IMMP2L: variants seen among roughly 807,000 people sequenced by gnomAD.
IMMP2L encodes inner mitochondrial membrane peptidase subunit 2, also known as mitochondrial inner membrane protease subunit 2.
A neutral mutation model predicts 19.3 loss-of-function variants in IMMP2L; 18 were observed. The ratio of observed to expected loss-of-function variants is 0.93; its 90% CI spans 0.64 to 1.38. IMMP2L has a LOEUF of 1.38. Ranked by LOEUF, IMMP2L falls within the 40% of genes most tolerant of loss-of-function variation. The pLI is 0.00. For missense variants in IMMP2L, 233 were observed against 218.2 expected, an observed-to-expected ratio of 1.07 and a Z score of -0.43; for synonymous variants, 76 against 73.0, an observed-to-expected ratio of 1.04 and a Z score of -0.21.
intron 5 of IMMP2L, among the ~76,000 whole-genome samples, chr7:110,682,669 A>G (rs998365225): frequency 1.3e-5 from 2 of 152,104 alleles, no homozygotes; most frequent in Non-Finnish European, 2.9e-5. Flanking sequence ...TGATGAATTC[A>G]GTTTTGTATT....
chr7:110,872,430 T>TA (rs1340904610), intron 5 of IMMP2L, among the ~76,000 whole-genome samples: 2 of 152,194 alleles, frequency 1.3e-5, no homozygotes, highest in Non-Finnish European at 2.9e-5. Flanking sequence ...TTATACTTTT[T>TA]ACCTTTTATT....
At chr7:111,252,365 A>T (rs918206480) in intron 3 of IMMP2L, among the ~76,000 whole-genome samples, 4 of 152,178 alleles carry the variant, frequency 2.6e-5, no homozygotes, top group African/African-American at 9.7e-5. Flanking sequence ...TGCCAATGGA[A>T]AAAGTTCTGA....
chr7:111,016,552 TATATATA>T (rs1436471176), intron 3 of IMMP2L, among the ~76,000 whole-genome samples: 6 of 118,578 alleles, frequency 5.1e-5, no homozygotes, highest in African/African-American at 1.7e-4. Context: ...TAATATATAG[TATATATA>T]ATATATAATA....
chr7:111,350,129 G>A (rs1249293519), intron 3 of IMMP2L, among the ~76,000 whole-genome samples: 2 of 151,628 alleles, frequency 1.3e-5, no homozygotes, highest in Admixed American at 6.6e-5. Flanking sequence ...CACCATGCCA[G>A]GCTAATTTTT....
chr7:110,881,154 T>C (rs1163840848), intron 5 of IMMP2L, among the ~76,000 whole-genome samples: 1 of 152,194 alleles, frequency 6.6e-6, no homozygotes, highest in Non-Finnish European at 1.5e-5. Context: ...TTTTACTGCA[T>C]GGACATTTCT....
chr7:111,031,934 A>ATTTCTTTTTTTT (rs770268016), intron 3 of IMMP2L, among the ~76,000 whole-genome samples: 1 of 108,074 alleles, frequency 9.3e-6, no homozygotes, highest in Non-Finnish European at 1.8e-5. Context: ...AACACCAGAG[A>ATTTCTTTTTTTT]TTTTTTTTTT....
At chr7:111,037,360 G>A (rs1275964805) in intron 3 of IMMP2L, among the ~76,000 whole-genome samples, 1 of 152,102 alleles carries the variant, frequency 6.6e-6, no homozygotes, top group East Asian at 1.9e-4. Context: ...TAAAATCAGA[G>A]GAGAAACAGT....
At chr7:111,076,022 C>G (rs554488889) in intron 3 of IMMP2L, among the ~76,000 whole-genome samples, 88 of 152,264 alleles carry the variant, frequency 5.8e-4, no homozygotes, top group African/African-American at 2.0e-3. Flanking sequence ...TTGGTCTAGT[C>G]TAATAGTTTC....
In IMMP2L at chr7:111,351,730, T is replaced by A. The variant is rs1006819432; in HGVS notation, c.239+135508A>T. Among the ~76,000 whole-genome samples, 6 of 152,320 alleles carry A rather than the reference T, an allele frequency of 3.9e-5. No individual in the cohort carries two copies. In the South Asian group the frequency reaches 8.3e-4, roughly 21 times the overall value. ...CACTGTACTTTGTTATCTAATTACA[T>A]GATCATTCTGTTAAACTTCAAGCAA... On this transcript the variant is annotated intron_variant, in intron 3 of 5. Coordinates refer to ENST00000405709, the MANE Select transcript of IMMP2L (RefSeq NM_032549.4).
chr7:111,289,528 A>G (rs2130817151), intron 3 of IMMP2L, among the ~76,000 whole-genome samples: 1 of 152,170 alleles, frequency 6.6e-6, no homozygotes, highest in East Asian at 1.9e-4. Context: ...ATCATGATGA[A>G]CTGAACCTGG....
At chr7:110,951,408 A>C (rs1817821822) in intron 4 of IMMP2L, among the ~76,000 whole-genome samples, 1 of 152,114 alleles carries the variant, frequency 6.6e-6, no homozygotes, top group Admixed American at 6.6e-5. Flanking sequence ...AATCATAACA[A>C]AAATTTGATA....
At chr7:111,416,514 C>T (rs1036037796) in intron 3 of IMMP2L, among the ~76,000 whole-genome samples, 3 of 151,766 alleles carry the variant, frequency 2.0e-5, no homozygotes, top group African/African-American at 4.9e-5. Context: ...CCAAATAATC[C>T]ACTTTCCCTC....
chr7:111,560,530 G>T (rs1791917636), intron 1 of IMMP2L, among the ~76,000 whole-genome samples: 1 of 152,162 alleles, frequency 6.6e-6, no homozygotes, highest in South Asian at 2.1e-4. Context: ...AGCCATCCTT[G>T]TAAGTTTATT....
At chr7:111,297,265 T>C (rs1821738732) in intron 3 of IMMP2L, among the ~76,000 whole-genome samples, 1 of 152,090 alleles carries the variant, frequency 6.6e-6, no homozygotes, top group Non-Finnish European at 1.5e-5. Flanking sequence ...CCAACATCTC[T>C]TCCCTGCTTT....
intron 3 of IMMP2L, among the ~76,000 whole-genome samples, chr7:111,021,296 T>A (rs1339071852): frequency 6.6e-6 from 1 of 152,230 alleles, no homozygotes; most frequent in Non-Finnish European, 1.5e-5. Flanking sequence ...TAGCAAATAT[T>A]TATTTTCTCA....
intron 3 of IMMP2L, among the ~76,000 whole-genome samples, chr7:111,171,415 A>G (rs1012807750): frequency 2.6e-5 from 4 of 151,648 alleles, no homozygotes; most frequent in Admixed American, 1.3e-4. Context: ...TTTTATTAAT[A>G]TCACAATAAC....
At chr7:111,209,720 G>C (rs1279679756) in intron 3 of IMMP2L, among the ~76,000 whole-genome samples, 1 of 152,122 alleles carries the variant, frequency 6.6e-6, no homozygotes, top group Non-Finnish European at 1.5e-5. Context: ...CAACAACACA[G>C]AACAGTATTT....
chr7:111,205,821 T>C (rs1318542743), intron 3 of IMMP2L, among the ~76,000 whole-genome samples: 1 of 152,118 alleles, frequency 6.6e-6, no homozygotes, highest in African/African-American at 2.4e-5. Flanking sequence ...CTGAGGCTGT[T>C]GATGAGGGGG....
At chr7:110,841,463 T>C (rs144584995) in intron 5 of IMMP2L, among the ~76,000 whole-genome samples, 2 of 152,210 alleles carry the variant, frequency 1.3e-5, no homozygotes, top group East Asian at 1.9e-4. Flanking sequence ...CATTTCTCTA[T>C]AGATGTTTAT....
Sources: gnomAD v4.1 joint callset for allele counts (sites outside exome capture counted in the v4.1 genomes callset) on GRCh38, gnomAD v4.1.1 for gene constraint, MANE v1.5 for transcripts, NCBI Gene and HGNC (gene_info 2026-07-23, HGNC 2026-07-21) for gene names.